Variants in TRIP12 observed in about 807,000 individuals in gnomAD.
TRIP12 encodes the protein E3 ubiquitin-protein ligase TRIP12.
A neutral mutation model predicts 244.2 loss-of-function variants in TRIP12; 25 were observed. That is an observed-to-expected ratio of 0.10 (90% CI 0.07 to 0.14). The LOEUF is 0.14. TRIP12 is among the 10% of genes least tolerant of loss of function. TRIP12 has a pLI of 1.00. For synonymous variants in TRIP12, 905 were observed against 873.1 expected (o/e 1.04, Z -0.64); for missense variants, 1,677 against 2,486.4 (o/e 0.67, Z 6.92).
Position 229,860,430 on chromosome 2 carries a change from A to C in TRIP12, c.200T>G (p.Leu67Arg). The change falls in exon 3 of 42, where the codon CTG (leucine) becomes CGG (arginine). Residue 67 changes from leucine to arginine, a missense_variant. Transcript: ENST00000675903. The part of the protein sequence containing the change: ...PKVQSNTTSE[L>R]SRGHLSKRSC... ...CCTTTTAGAAAGGTGTCCCCTTGAC[A>C]GTTCAGAAGTAGTATTAGACTGCAC... 6.2e-7 allele frequency: 1 copy of C among 1,608,524 alleles called. No individual in the cohort carries two copies. The highest frequency in any genetic ancestry group is 1.3e-5 in the African/African-American group (1 of 74,880).
rs992848733 is a variant in TRIP12 at position 229,850,828 on chromosome 2, C to A, written c.1027+7944G>T. ...ACACTCGGAGGAGCAGCCGGCCCTG[C>A]CGGCCCCAGGCAATGAGGGGCTCAG... On this transcript the variant is annotated intron_variant, in intron 4 of 41. Transcript: ENST00000675903. 3.3e-5 allele frequency among the ~76,000 whole-genome samples: 5 copies of A among 152,368 alleles called. No individual in the cohort carries two copies. In the Middle Eastern group the frequency reaches 0.01, roughly 311 times the overall value.
chr2:229,904,632 T>C (rs2072152678), intron 1 of TRIP12, among the ~76,000 whole-genome samples: 1 of 152,102 alleles, frequency 6.6e-6, no homozygotes, highest in African/African-American at 2.4e-5. Context: ...AGTGGTTATA[T>C]GAGGTGGCAA....
At chr2:229,852,215 G>C (rs2058844145) in intron 4 of TRIP12, among the ~76,000 whole-genome samples, 1 of 152,152 alleles carries the variant, frequency 6.6e-6, no homozygotes, top group Non-Finnish European at 1.5e-5. Flanking sequence ...AAATAATAGA[G>C]AGTAAAGTAG....
chr2:229,888,461 G>C (rs1342379644), intron 1 of TRIP12, among the ~76,000 whole-genome samples: 1 of 151,992 alleles, frequency 6.6e-6, no homozygotes, highest in African/African-American at 2.4e-5. Context: ...TAAAAAAAAA[G>C]AATCCAGTCA....
intron 11 of TRIP12, among the ~76,000 whole-genome samples, chr2:229,814,771 T>C (rs1278062092): frequency 6.6e-6 from 1 of 152,212 alleles, no homozygotes; most frequent in Non-Finnish European, 1.5e-5. Context: ...CCCCACTGAT[T>C]CAACTTTCTC....
intron 27 of TRIP12, 33 bp from the exon 28 acceptor site, chr2:229,792,259 C>A (rs368743327): frequency 5.0e-6 from 8 of 1,593,440 alleles, no homozygotes; most frequent in Non-Finnish European, 6.8e-6. Flanking sequence ...AAACTCTTAG[C>A]GATTTTAGGT....
intron 1 of TRIP12, among the ~76,000 whole-genome samples, chr2:229,911,951 G>A (rs1408391327): frequency 1.3e-5 from 2 of 151,496 alleles, no homozygotes. Context: ...TGTATTGAAC[G>A]CTAAGCAAAA....
chr2:229,913,952 TTAAGTG>T (rs1283096436), intron 1 of TRIP12, among the ~76,000 whole-genome samples: 3 of 151,968 alleles, frequency 2.0e-5, no homozygotes, highest in Non-Finnish European at 4.4e-5. Flanking sequence ...TGGAAGAAAG[TTAAGTG>T]TAAGTATATA....
chr2:229,795,957 G>C, intron 25 of TRIP12, among the ~76,000 whole-genome samples: 1 of 152,208 alleles, frequency 6.6e-6, no homozygotes, highest in East Asian at 1.9e-4. Flanking sequence ...ACATAGGAGA[G>C]CTATGCTAAG....
intron 8 of TRIP12, among the ~76,000 whole-genome samples, chr2:229,826,030 G>A (rs529466907): frequency 1.3e-5 from 2 of 152,092 alleles, no homozygotes; most frequent in African/African-American, 4.8e-5. Flanking sequence ...ACCTTTGGAG[G>A]ACATAAAAAT....
chr2:229,872,104 T>TAAAAAAAAAAAAAAAAAAAAAAA (rs34496202), intron 2 of TRIP12, among the ~76,000 whole-genome samples: 2 of 105,264 alleles, frequency 1.9e-5, no homozygotes, highest in African/African-American at 6.9e-5. Flanking sequence ...ACAGATATTG[T>TAAAAAAAAAAAAAAAAAAAAAAA]AAAAAAAAAA....
At chr2:229,895,017 C>T (rs964619165) in intron 1 of TRIP12, among the ~76,000 whole-genome samples, 1 of 152,168 alleles carries the variant, frequency 6.6e-6, no homozygotes, top group African/African-American at 2.4e-5. Context: ...ATATACATAA[C>T]ACTCAAGTAA....
intron 17 of TRIP12, 64 bp downstream of exon 17, chr2:229,807,644 T>G: frequency 6.3e-7 from 1 of 1,586,880 alleles, no homozygotes; most frequent in Non-Finnish European, 8.7e-7. Flanking sequence ...CACCTCCCCA[T>G]TCCATCCCTA....
At chr2:229,845,661 A>G (rs1575875340) in intron 4 of TRIP12, among the ~76,000 whole-genome samples, 1 of 152,224 alleles carries the variant, frequency 6.6e-6, no homozygotes, top group Non-Finnish European at 1.5e-5. Flanking sequence ...TTAAGGGTAG[A>G]TATCAAAAAA....
intron 32 of TRIP12, among the ~76,000 whole-genome samples, chr2:229,788,120 A>G (rs1466428515): frequency 6.6e-6 from 1 of 152,192 alleles, no homozygotes; most frequent in Non-Finnish European, 1.5e-5. Context: ...TTAATTTTTA[A>G]GAATTTTCAT....
At chr2:229,909,388 CA>C (rs1304379037) in intron 1 of TRIP12, among the ~76,000 whole-genome samples, 32 of 141,496 alleles carry the variant, frequency 2.3e-4, no homozygotes, top group East Asian at 4.1e-4. Context: ...TCCACACACA[CA>C]AAAAAAAAAA....
At chr2:229,870,851 T>C (rs527258093) in intron 2 of TRIP12, among the ~76,000 whole-genome samples, 12 of 152,160 alleles carry the variant, frequency 7.9e-5, no homozygotes, top group Non-Finnish European at 1.5e-4. Flanking sequence ...GAGTCCTTCT[T>C]GAGTGTGGCT....
chr2:229,836,822 T>C, intron 6 of TRIP12, 26 bp downstream of exon 6: 2 of 1,577,052 alleles, frequency 1.3e-6, no homozygotes, highest in Non-Finnish European at 1.7e-6. Context: ...AGAAACGCAT[T>C]TTAAAGCTAA....
chr2:229,791,666 AT>A, intron 29 of TRIP12, 199 bp downstream of exon 29: 1 of 602,976 alleles, frequency 1.7e-6, no homozygotes, highest in Non-Finnish European at 2.9e-6. Flanking sequence ...ATGGATATAC[AT>A]TTTCCGGTAG....
Sources: gnomAD v4.1 joint callset for allele counts (sites outside exome capture counted in the v4.1 genomes callset) on GRCh38, gnomAD v4.1.1 for gene constraint, MANE v1.5 for transcripts, NCBI Gene and HGNC (gene_info 2026-07-23, HGNC 2026-07-21) for gene names.